Variants in NLRP1 observed in about 807,000 individuals in gnomAD.
The protein encoded by NLRP1 is NACHT, LRR and PYD domains-containing protein 1.
Under a neutral mutation model 136.7 loss-of-function variants are expected in NLRP1, and 94 were observed. The ratio of observed to expected loss-of-function variants is 0.69; its 90% CI spans 0.58 to 0.82. The LOEUF is 0.82. Ranked by LOEUF, NLRP1 falls within the 40% of genes least tolerant of loss-of-function variation. The pLI, the probability that NLRP1 is intolerant of heterozygous loss-of-function variation, is 0.00. For synonymous variants in NLRP1, 690 were observed against 725.1 expected, an observed-to-expected ratio of 0.95 and a Z score of 0.78; for missense variants, 1,575 against 1,802.7, an observed-to-expected ratio of 0.87 and a Z score of 2.29.
chr17:5,577,174 CT>C (rs1905110152), intron 3 of NLRP1, among the ~76,000 whole-genome samples: 1 of 152,170 alleles, frequency 6.6e-6, no homozygotes, highest in South Asian at 2.1e-4. Flanking sequence ...TGGGCAAAAA[CT>C]GCAAGCATTC....
intron 3 of NLRP1, among the ~76,000 whole-genome samples, chr17:5,574,470 C>A (rs373981845): frequency 6.6e-6 from 1 of 152,240 alleles, no homozygotes; most frequent in African/African-American, 2.4e-5. Context: ...CACAAAGATA[C>A]TCCTTAAGAA....
chr17:5,529,398 C>T (rs1451037557), intron 12 of NLRP1, among the ~76,000 whole-genome samples: 3 of 147,380 alleles, frequency 2.0e-5, no homozygotes, highest in East Asian at 2.0e-4. Context: ...GACAGAGTCT[C>T]GCTCTGTGGC....
At chr17:5,510,813 G>A (rs1297622064), downstream of NLRP1, among the ~76,000 whole-genome samples, 1 of 152,138 alleles carries the variant, frequency 6.6e-6, no homozygotes, top group Non-Finnish European at 1.5e-5. Context: ...AGACATGGGT[G>A]CGTATTTCGT....
chr17:5,552,247 T>C (rs1176801518), intron 5 of NLRP1, among the ~76,000 whole-genome samples: 3 of 152,146 alleles, frequency 2.0e-5, no homozygotes, highest in Non-Finnish European at 4.4e-5. Flanking sequence ...GATTTCTTCT[T>C]TGACCCTTGG....
In NLRP1 at chr17:5,534,069, A is replaced by G. The variant is rs1163246020; in HGVS notation, c.2961-81T>C. The G allele has an allele frequency of 7.0e-6, 7 of 1,001,462 alleles. No homozygotes were observed. In the East Asian group the frequency reaches 1.2e-4, roughly 17 times the overall value. The allele number at this position is 1,001,462 out of a possible 1,614,324, so 62.0% of individuals were successfully genotyped here. A position where few individuals can be genotyped will look rare whatever the true frequency, so the allele number is the denominator to read the frequency against. Reference sequence around the variant, plus strand: ...ACATGACATTCCCACTAAAAATTCAACTCCTCCTCGGGTCGGGTGCAGTGG... The same window carrying G: ...ACATGACATTCCCACTAAAAATTCAGCTCCTCCTCGGGTCGGGTGCAGTGG... On this transcript the variant is annotated intron_variant, in intron 8 of 16. Transcript: ENST00000572272.
chr17:5,528,956 T>A (rs760695576), intron 12 of NLRP1, among the ~76,000 whole-genome samples: 1 of 152,230 alleles, frequency 6.6e-6, no homozygotes, highest in Non-Finnish European at 1.5e-5. Flanking sequence ...AATCATTTTA[T>A]CAGCAATTAA....
chr17:5,560,158 C>T (rs1478543607), intron 3 of NLRP1, 115 bp from the exon 4 acceptor site: 37 of 957,426 alleles, frequency 3.9e-5, no homozygotes, highest in Non-Finnish European at 5.5e-5. Context: ...TGTCTGCAGA[C>T]ACTGGTATGT....
In NLRP1 at chr17:5,584,242, G is replaced by A; in HGVS notation, c.-285C>T. The A allele has an allele frequency of 1.9e-6, 1 of 517,676 alleles. No homozygotes were observed. Among genetic ancestry groups the A allele is most frequent in the Non-Finnish European group, 3.5e-6 (1 of 286,658 alleles). 32.1% of individuals were successfully genotyped at this position (517,676 alleles called of 1,614,324 possible). The stretch of plus-strand genomic sequence containing the variant: ...GGGTCCAGGGCCAGGCAGGGAGGGT[G>A]AGGGTGAGGGGAGATGTGGTGACGG... On this transcript the variant is annotated 5_prime_UTR_variant, in exon 1 of 17. Coordinates refer to ENST00000572272, the MANE Select transcript of NLRP1 (RefSeq NM_033004.4).
chr17:5,525,012 T>C (rs1909355438), intron 12 of NLRP1, among the ~76,000 whole-genome samples: 1 of 152,014 alleles, frequency 6.6e-6, no homozygotes, highest in Non-Finnish European at 1.5e-5. Context: ...GCTGATAGAT[T>C]GGAGAGAGAA....
chr17:5,582,172 A>G (rs1228790898), intron 2 of NLRP1, 110 bp from the exon 3 acceptor site: 4 of 904,768 alleles, frequency 4.4e-6, no homozygotes, highest in Middle Eastern at 2.8e-4. Flanking sequence ...TAATAATATT[A>G]TTTTGAAAAC....
rs779999981 is a variant in NLRP1 at position 5,539,581 on chromosome 17, C to T, written c.2704G>A (p.Val902Ile). The stretch of plus-strand genomic sequence containing the variant: ...CAGTCAGACGTGAGGCCACAGCTGA[C>T]CAGCCTGCAGGAAAGATACACGCCA... ...PSCKLQRLQL[V>I]SCGLTSDCCQ... The change falls in exon 7 of 17, where the codon GTC becomes ATC. Residue 902 changes from valine to isoleucine, a missense_variant. Val to Ile is a conservative substitution (Grantham distance 29). Coordinates refer to ENST00000572272, the MANE Select transcript of NLRP1 (RefSeq NM_033004.4). 1.9e-6 allele frequency: 3 copies of T among 1,608,788 alleles called. No individual in the cohort carries two copies. Among genetic ancestry groups the T allele is most frequent in the Admixed American group, 1.7e-5 (1 of 59,238 alleles).
intron 4 of NLRP1, among the ~76,000 whole-genome samples, chr17:5,557,007 G>T (rs11657087): frequency 0.066 from 10,037 of 152,026 alleles, 423 homozygotes; most frequent in African/African-American, 0.11. Context: ...GTTATCTTTT[G>T]TTTGTTTGTT....
intron 6 of NLRP1, 32 bp from the exon 7 acceptor site, chr17:5,539,617 T>C (rs774998727): frequency 1.5e-5 from 24 of 1,571,434 alleles, no homozygotes; most frequent in Non-Finnish European, 2.0e-5. Context: ...GCCCAGGTCA[T>C]TGTCCTAAGG....
chr17:5,579,004 C>T (rs1353822818), intron 3 of NLRP1, among the ~76,000 whole-genome samples: 3 of 152,008 alleles, frequency 2.0e-5, no homozygotes, highest in African/African-American at 4.8e-5. Context: ...AGCAAACTAT[C>T]GCAGGGACAA....
chr17:5,507,726 G>A (rs890220317), intron 15 of NLRP1, among the ~76,000 whole-genome samples: 1 of 152,346 alleles, frequency 6.6e-6, no homozygotes, highest in Middle Eastern at 3.4e-3. Flanking sequence ...GGAAACTCAG[G>A]AGGCTGAGGC....
intron 9 of NLRP1, 44 bp downstream of exon 9, chr17:5,533,853 C>T: frequency 1.5e-6 from 2 of 1,353,312 alleles, no homozygotes; most frequent in Non-Finnish European, 2.1e-6. Flanking sequence ...CTGACCTCCC[C>T]CAACCCCTGT....
chr17:5,550,399 G>A (rs74660362), intron 5 of NLRP1, among the ~76,000 whole-genome samples: 7,179 of 152,138 alleles, frequency 0.047, 192 homozygotes, highest in Middle Eastern at 0.079. Context: ...TTAAGATTTT[G>A]TATTTCTTAT....
At chr17:5,518,863 G>C (rs1908492674) in intron 14 of NLRP1, among the ~76,000 whole-genome samples, 1 of 147,734 alleles carries the variant, frequency 6.8e-6, no homozygotes, top group Non-Finnish European at 1.5e-5. Flanking sequence ...TTTTGAGACA[G>C]GGTCTTGCTC....
At chr17:5,548,521 C>T (rs1304711727) in intron 5 of NLRP1, among the ~76,000 whole-genome samples, 1 of 152,210 alleles carries the variant, frequency 6.6e-6, no homozygotes, top group Non-Finnish European at 1.5e-5. Context: ...TGGACAGACA[C>T]ACACATTTAC....
Sources: gnomAD v4.1 joint callset for allele counts (sites outside exome capture counted in the v4.1 genomes callset) on GRCh38, gnomAD v4.1.1 for gene constraint, MANE v1.5 for transcripts, NCBI Gene and HGNC (gene_info 2026-07-23, HGNC 2026-07-21) for gene names.